Variants in STK32B observed in about 807,000 individuals in gnomAD.
The protein encoded by STK32B is serine/threonine kinase 32B.
STK32B carries 43 observed loss-of-function variants against 52.6 expected under a neutral mutation model. That is an observed-to-expected ratio of 0.82 (90% CI 0.64 to 1.05). The LOEUF (loss-of-function observed/expected upper bound fraction) is 1.05. Ranked by LOEUF, STK32B falls within the 50% of genes least tolerant of loss-of-function variation. STK32B has a pLI of 0.00. For synonymous variants in STK32B, 238 were observed against 204.3 expected, an observed-to-expected ratio of 1.17 and a Z score of -1.41; for missense variants, 621 against 534.6, an observed-to-expected ratio of 1.16 and a Z score of -1.59.
intron 9 of STK32B, among the ~76,000 whole-genome samples, chr4:5,462,386 CTGTG>C (rs932066506): frequency 1.4e-5 from 2 of 147,970 alleles, no homozygotes; most frequent in Non-Finnish European, 3.0e-5. Flanking sequence ...GCCTGTGCAT[CTGTG>C]TGTGTGTGTG....
chr4:5,465,627 T>C (rs1367251335), intron 9 of STK32B, among the ~76,000 whole-genome samples: 1 of 152,114 alleles, frequency 6.6e-6, no homozygotes, highest in Non-Finnish European at 1.5e-5. Flanking sequence ...CAAACTCTTA[T>C]CATCTGATCC....
chr4:5,182,078 G>C lies in STK32B; in HGVS notation c.260+13628G>C, dbSNP rs542591064. On this transcript the variant is annotated intron_variant, in intron 3 of 11. Transcript: ENST00000282908. The stretch of plus-strand genomic sequence containing the variant: ...ATTCATGGCATCTTCATATGGAGCA[G>C]CTTCCATCTTCAGAAACTACTTTCT... Among the ~76,000 whole-genome samples, 5 of 152,326 alleles carry C rather than the reference G, an allele frequency of 3.3e-5. No homozygotes were observed. The East Asian group carries it at 9.6e-4, about 29-fold the overall frequency.
intron 3 of STK32B, among the ~76,000 whole-genome samples, chr4:5,272,496 G>A (rs888322673): frequency 2.0e-5 from 3 of 148,154 alleles, no homozygotes; most frequent in African/African-American, 7.5e-5. Context: ...CCCGGCTTTG[G>A]TATCAGAATG....
intron 11 of STK32B, 57 bp from the exon 12 acceptor site, chr4:5,498,888 G>C: frequency 6.5e-7 from 1 of 1,541,020 alleles, no homozygotes. Flanking sequence ...GTGTCTCCTG[G>C]ATGTGCCTCC....
Position 5,394,206 on chromosome 4 carries a change from C to A in STK32B, c.435-4001C>A, listed in dbSNP as rs889675423. ...TTTATTTGAGGGCTGGGGAATAATTCAAGAGCAGCACCGGGTTTTATAGCC... is the reference window on the plus strand; with the variant it reads ...TTTATTTGAGGGCTGGGGAATAATTAAAGAGCAGCACCGGGTTTTATAGCC... On this transcript the variant is annotated intron_variant, in intron 4 of 11. Transcript: ENST00000282908. The surrounding 1 kb of genome is among the most constrained non-coding windows in gnomAD (Gnocchi z 4.2). 1.3e-5 allele frequency among the ~76,000 whole-genome samples: 2 copies of A among 152,106 alleles called. No individual in the cohort carries two copies. Among genetic ancestry groups the A allele is most frequent in the Non-Finnish European group, 2.9e-5 (2 of 68,018 alleles).
At chr4:5,325,072 C>T (rs571980512) in intron 3 of STK32B, among the ~76,000 whole-genome samples, 9 of 152,282 alleles carry the variant, frequency 5.9e-5, no homozygotes, top group Middle Eastern at 3.4e-3. Flanking sequence ...AAAGTTCATC[C>T]GTGAGCATGA....
In STK32B at chr4:5,371,634, G is replaced by A. The variant is rs563197831; in HGVS notation, c.435-26573G>A. ...GAATCCAGCCCTGGCTGTGCTCTGC[G>A]TGCCAAGCAAACATTTGCCAAAGGG... is the stretch of plus-strand genomic sequence containing the variant. On this transcript the variant is annotated intron_variant, in intron 4 of 11. Coordinates refer to ENST00000282908, the MANE Select transcript of STK32B (RefSeq NM_018401.3). Among the ~76,000 whole-genome samples the A allele has an allele frequency of 1.7e-3, 264 of 152,286 alleles. 1 individual carries two copies. The highest frequency in any genetic ancestry group is 5.2e-3 in the African/African-American group (215 of 41,562).
intron 3 of STK32B, among the ~76,000 whole-genome samples, chr4:5,215,169 C>T (rs1408746629): frequency 6.6e-6 from 1 of 152,116 alleles, no homozygotes; most frequent in African/African-American, 2.4e-5. Flanking sequence ...GAATCCTTTC[C>T]CTTCTGCAGT....
At chr4:5,137,573 G>C (rs1481472780) in intron 1 of STK32B, among the ~76,000 whole-genome samples, 1 of 152,154 alleles carries the variant, frequency 6.6e-6, no homozygotes, top group Admixed American at 6.5e-5. Flanking sequence ...ATGATTCTGA[G>C]CTCTTTATGG....
At chr4:5,308,489 C>G (rs1560303194) in intron 3 of STK32B, among the ~76,000 whole-genome samples, 1 of 152,048 alleles carries the variant, frequency 6.6e-6, no homozygotes, top group African/African-American at 2.4e-5. Context: ...TTTGTGTATT[C>G]CTCTAGAGTT....
chr4:5,122,251 C>G (rs570769241), intron 1 of STK32B, among the ~76,000 whole-genome samples: 1 of 152,210 alleles, frequency 6.6e-6, no homozygotes, highest in African/African-American at 2.4e-5. Context: ...CACATTTACT[C>G]ATTTACTCAT....
At chr4:5,055,517 G>C (rs1234179705) in intron 1 of STK32B, among the ~76,000 whole-genome samples, 1 of 152,104 alleles carries the variant, frequency 6.6e-6, no homozygotes, top group Admixed American at 6.5e-5. Flanking sequence ...CCATGGGCCA[G>C]ATCAGTCCTC....
At chr4:5,433,448 A>G (rs79187819) in intron 6 of STK32B, among the ~76,000 whole-genome samples, 1 of 152,158 alleles carries the variant, frequency 6.6e-6, no homozygotes, top group Non-Finnish European at 1.5e-5. Context: ...CCTGCCAGCC[A>G]GGATGTGGAA....
intron 7 of STK32B, among the ~76,000 whole-genome samples, chr4:5,454,731 T>C (rs1716348410): frequency 6.6e-6 from 1 of 152,140 alleles, no homozygotes; most frequent in Non-Finnish European, 1.5e-5. Context: ...GAAATGGTCA[T>C]GTTAACAGTC....
intron 3 of STK32B, among the ~76,000 whole-genome samples, chr4:5,317,452 TATATA>T (rs1731153042): frequency 9.9e-6 from 1 of 100,940 alleles, no homozygotes; most frequent in Non-Finnish European, 1.7e-5. Context: ...ATACATAATA[TATATA>T]ATATATATGT....
At chr4:5,315,703 G>A (rs1451071132) in intron 3 of STK32B, among the ~76,000 whole-genome samples, 9 of 142,374 alleles carry the variant, frequency 6.3e-5, no homozygotes, top group Admixed American at 3.6e-4. Flanking sequence ...TTTTTGAGAC[G>A]GAGTTTCACC....
chr4:5,083,363 C>T (rs1020425029), intron 1 of STK32B, among the ~76,000 whole-genome samples: 1 of 152,132 alleles, frequency 6.6e-6, no homozygotes, highest in African/African-American at 2.4e-5. Flanking sequence ...TGGAAGGAAA[C>T]AGGCTCTTGA....
intron 3 of STK32B, among the ~76,000 whole-genome samples, chr4:5,249,441 A>ACCTTCCTTCCTT (rs149485895): frequency 4.1e-4 from 57 of 137,438 alleles, no homozygotes; most frequent in East Asian, 1.3e-3. Flanking sequence ...CTTCCTACCT[A>ACCTTCCTTCCTT]CCTTCCTTCC....
At chr4:5,163,294 G>A (rs1351230423) in intron 2 of STK32B, among the ~76,000 whole-genome samples, 1 of 152,188 alleles carries the variant, frequency 6.6e-6, no homozygotes, top group Non-Finnish European at 1.5e-5. Context: ...CAGGGTGCTT[G>A]GAGTCTGACT....
Sources: allele counts gnomAD v4.1 joint callset (sites outside exome capture counted in the v4.1 genomes callset), GRCh38; gene constraint gnomAD v4.1.1; non-coding constraint Gnocchi (gnomAD v3.1); transcripts MANE v1.5; gene names NCBI Gene and HGNC (gene_info 2026-07-23, HGNC 2026-07-21).